TBX15: variants seen among roughly 807,000 people sequenced by gnomAD.
TBX15 encodes T-box transcription factor 15.
Under a neutral mutation model 53.9 loss-of-function variants are expected in TBX15, and 18 were observed. That is an observed-to-expected ratio of 0.33 (90% CI 0.23 to 0.49). TBX15 has a LOEUF of 0.49. Ranked by LOEUF, TBX15 falls within the 20% of genes least tolerant of loss-of-function variation. The probability of loss-of-function intolerance (pLI) is 0.98; values close to 1 mark genes in which losing one functional copy is unlikely to be tolerated. For missense variants in TBX15, 692 were observed against 749.5 expected, an observed-to-expected ratio of 0.92 and a Z score of 0.90; for synonymous variants, 295 against 278.0, an observed-to-expected ratio of 1.06 and a Z score of -0.61.
In TBX15 at chr1:118,988,023, C is replaced by G; in HGVS notation, c.-228G>C. Reference sequence around the variant, plus strand: ...CGCTGGCCCAGCTGCTAGGAACTAGCGCCCCGAGCGCCGCCCGCTCGCTGC... The same window carrying G: ...CGCTGGCCCAGCTGCTAGGAACTAGGGCCCCGAGCGCCGCCCGCTCGCTGC... On this transcript the variant is annotated 5_prime_UTR_variant, in exon 1 of 8. Transcript: ENST00000369429. The G allele has an allele frequency of 1.7e-6, 1 of 604,584 alleles. No individual in the cohort carries two copies. The highest frequency in any genetic ancestry group is 2.1e-5 in the South Asian group (1 of 48,282). The allele number at this position is 604,584 out of a possible 1,614,324, so 37.5% of individuals were successfully genotyped here. A position where few individuals can be genotyped will look rare whatever the true frequency, so the allele number is the denominator to read the frequency against.
chr1:118,895,971 G>A (rs1309587891), intron 7 of TBX15, among the ~76,000 whole-genome samples: 1 of 152,214 alleles, frequency 6.6e-6, no homozygotes, highest in African/African-American at 2.4e-5. Flanking sequence ...CTACAGATAT[G>A]ATACTAGACC....
At chr1:118,978,598 T>C (rs956403000) in intron 1 of TBX15, among the ~76,000 whole-genome samples, 3 of 152,194 alleles carry the variant, frequency 2.0e-5, no homozygotes, top group Non-Finnish European at 4.4e-5. Flanking sequence ...AATCTAGGAC[T>C]CCTAACTTAA....
intron 2 of TBX15, among the ~76,000 whole-genome samples, chr1:118,928,226 G>A (rs774763875): frequency 1.3e-5 from 2 of 152,208 alleles, no homozygotes; most frequent in Non-Finnish European, 2.9e-5. Context: ...AAGGATCACA[G>A]TCCTTTAATA....
chr1:118,986,573 C>A (rs926051230), intron 1 of TBX15, among the ~76,000 whole-genome samples: 2 of 151,826 alleles, frequency 1.3e-5, no homozygotes, highest in Admixed American at 1.3e-4. Flanking sequence ...TGGCTGAGAT[C>A]CCCAAGCTCC....
At position 118,884,650 on chromosome 1, in the gene TBX15, C is replaced by T. The variant is rs549819189; in HGVS notation, c.*82G>A. On this transcript the variant is annotated 3_prime_UTR_variant, in exon 8 of 8. Coordinates refer to ENST00000369429, the MANE Select transcript of TBX15 (RefSeq NM_001330677.2). ...ACACGGTTCCTGTTTTTCAAAGACA[C>T]TGGACTCCCAAAGAGGAGGATCTGA... 22 of 1,291,248 alleles carry T rather than the reference C, an allele frequency of 1.7e-5. No individual in the cohort carries two copies. In the African/African-American group the frequency reaches 3.1e-4, roughly 18 times the overall value. 80.0% of individuals were successfully genotyped at this position (1,291,248 alleles called of 1,614,324 possible).
chr1:118,898,988 G>C (rs781425921), intron 7 of TBX15, 40 bp downstream of exon 7: 1 of 1,594,054 alleles, frequency 6.3e-7, no homozygotes, highest in Non-Finnish European at 8.6e-7. Flanking sequence ...CTCTGTCCCT[G>C]GCCCTATCAC....
At chr1:118,967,217 C>T (rs1167021517) in intron 1 of TBX15, among the ~76,000 whole-genome samples, 1 of 152,066 alleles carries the variant, frequency 6.6e-6, no homozygotes, top group Non-Finnish European at 1.5e-5. Flanking sequence ...AAGGGTTGAC[C>T]TCGAGACACC....
At chr1:118,906,007 T>C (rs939239281) in intron 6 of TBX15, among the ~76,000 whole-genome samples, 3 of 152,176 alleles carry the variant, frequency 2.0e-5, no homozygotes, top group African/African-American at 7.2e-5. Context: ...TTCTGAAAGC[T>C]AATACCTCAT....
chr1:118,906,020 T>C (rs1002240852), intron 6 of TBX15, among the ~76,000 whole-genome samples: 4 of 152,182 alleles, frequency 2.6e-5, no homozygotes, highest in Non-Finnish European at 5.9e-5. Context: ...TACCTCATGG[T>C]GTTCAGTCTT....
intron 5 of TBX15, among the ~76,000 whole-genome samples, chr1:118,921,037 C>A (rs566594880): frequency 1.4e-5 from 2 of 142,990 alleles, no homozygotes; most frequent in Non-Finnish European, 3.1e-5. Flanking sequence ...ATTAGGTGGG[C>A]ATGGTGATAC....
In TBX15 at chr1:118,942,028, C is replaced by T. The variant is rs555702823; in HGVS notation, c.206-10196G>A. ...ACTTCATCAACAAAAAAGGTCCAGA[C>T]ATACGAATGCTAATTTTCAGATATT... is the stretch of plus-strand genomic sequence containing the variant. On this transcript the variant is annotated intron_variant, in intron 1 of 7. Transcript: ENST00000369429. 5.3e-5 allele frequency among the ~76,000 whole-genome samples: 8 copies of T among 152,300 alleles called. No individual in the cohort carries two copies. In the South Asian group the frequency reaches 1.5e-3, roughly 28 times the overall value.
chr1:118,979,798 G>T (rs929058893), intron 1 of TBX15, among the ~76,000 whole-genome samples: 2 of 152,184 alleles, frequency 1.3e-5, no homozygotes, highest in Non-Finnish European at 2.9e-5. Context: ...GGTTTCCAAG[G>T]CCCCGCGATA....
At chr1:118,982,940 G>A (rs191521303) in intron 1 of TBX15, among the ~76,000 whole-genome samples, 2 of 152,324 alleles carry the variant, frequency 1.3e-5, no homozygotes, top group East Asian at 1.9e-4. Context: ...GTTGAGTTGG[G>A]AGTAGATCTG....
chr1:118,919,166 C>CA (rs1479705655), intron 5 of TBX15, among the ~76,000 whole-genome samples: 2 of 152,150 alleles, frequency 1.3e-5, no homozygotes, highest in African/African-American at 4.8e-5. Flanking sequence ...AAAACAAGGC[C>CA]ATGTCTTTTT....
intron 6 of TBX15, among the ~76,000 whole-genome samples, chr1:118,913,680 AT>A (rs932197803): frequency 6.6e-6 from 1 of 151,912 alleles, no homozygotes; most frequent in African/African-American, 2.4e-5. Flanking sequence ...AAACAGTTAC[AT>A]TTTTTTTCAC....
In TBX15 at chr1:118,890,875, A is replaced by G; in HGVS notation, c.1025-5359T>C. 3.1e-6 allele frequency: 4 copies of G among 1,303,436 alleles called. No individual in the cohort carries two copies. In the South Asian group the frequency reaches 3.7e-5, roughly 12 times the overall value. 80.7% of individuals were successfully genotyped at this position (1,303,436 alleles called of 1,614,324 possible). A position where few individuals can be genotyped will look rare whatever the true frequency, so the allele number is the denominator to read the frequency against. ...AATTTCCATGTAATTACTTCGTTCC[A>G]TGAGCCAGACTCTTCTCTCGTATAA... On this transcript the variant is annotated intron_variant, in intron 7 of 7. Coordinates refer to ENST00000369429, the MANE Select transcript of TBX15 (RefSeq NM_001330677.2).
rs761835037 is a variant in TBX15 at position 118,885,082 on chromosome 1, C to A, written c.1459G>T (p.Ala487Ser). 1.1e-5 allele frequency: 17 copies of A among 1,614,046 alleles called. 1 individual carries two copies. The highest frequency in any genetic ancestry group is 3.3e-5 in the South Asian group (3 of 91,088). Reference sequence around the variant, plus strand: ...ATGTGTGGTGATGAGGAGCTGGAGGCAGCATTGCCTGCCTGCATGACATAC... The same window carrying A: ...ATGTGTGGTGATGAGGAGCTGGAGGAAGCATTGCCTGCCTGCATGACATAC... ...FQYVMQAGNA[A>S]SSSSSPHMFG... The change falls in exon 8 of 8, where the codon GCC becomes TCC. Residue 487 changes from alanine to serine, a missense_variant. By Grantham distance (99) the Ala-to-Ser change is moderately conservative (BLOSUM62 1). Around this residue, in one of 3 missense-constraint regions of TBX15, gnomAD observed 375 missense variants for 371.6 expected, o/e 1.01. Coordinates refer to ENST00000369429, the MANE Select transcript of TBX15 (RefSeq NM_001330677.2).
intron 1 of TBX15, among the ~76,000 whole-genome samples, chr1:118,975,389 C>A (rs1657390038): frequency 6.6e-6 from 1 of 152,220 alleles, no homozygotes; most frequent in African/African-American, 2.4e-5. Context: ...TAACCTCTCT[C>A]TCATTCACAA....
Position 118,987,627 on chromosome 1 carries a change from C to G in TBX15, c.169G>C (p.Glu57Gln). The change falls in exon 1 of 8, where the codon GAG becomes CAG. Residue 57 changes from glutamate (E) to glutamine (Q), a missense_variant. Physicochemically the swap from Glu to Gln is conservative, Grantham distance 29. Around this residue, in one of 3 missense-constraint regions of TBX15, gnomAD observed 307 missense variants for 347.5 expected, o/e 0.88. Transcript: ENST00000369429. ...TCCAGGCCGTGTGCCGCCGCGTCCT[C>G]CGTGTCTCCGAGTGGGCCCGCGGGG... ...LSPAGPLGDT[E>Q]DAAAHGLEPH... is the part of the protein sequence containing the mutation. 6.5e-7 allele frequency: 1 copy of G among 1,549,768 alleles called. No individual in the cohort carries two copies. The highest frequency in any genetic ancestry group is 8.7e-7 in the Non-Finnish European group (1 of 1,146,780).
Sources: allele counts gnomAD v4.1 joint callset (sites outside exome capture counted in the v4.1 genomes callset), GRCh38; gene constraint gnomAD v4.1.1; regional missense constraint gnomAD v4.1.1; transcripts MANE v1.5; gene names NCBI Gene and HGNC (gene_info 2026-07-23, HGNC 2026-07-21).